DNAAF9: variants seen among roughly 807,000 people sequenced by gnomAD.
DNAAF9 encodes shulin.
In DNAAF9, 90 loss-of-function variants were observed where a neutral mutation model predicts 167.0. The ratio of observed to expected loss-of-function variants is 0.54; its 90% CI spans 0.45 to 0.64. The LOEUF is 0.64. DNAAF9 is among the 30% of genes least tolerant of loss of function. DNAAF9 has a pLI of 0.00. For missense variants in DNAAF9, 1,315 were observed against 1,442.2 expected (o/e 0.91, Z 1.43); for synonymous variants, 491 against 508.8 (o/e 0.96, Z 0.47).
In DNAAF9 at chr20:3,252,093, A is replaced by C; in HGVS notation, c.*479T>G. 6.4e-6 allele frequency: 1 copy of C among 156,794 alleles called. No individual in the cohort carries two copies. Among genetic ancestry groups the C allele is most frequent in the Non-Finnish European group, 1.4e-5 (1 of 71,110 alleles). The allele number at this position is 156,794 out of a possible 1,614,324, so 9.7% of individuals were successfully genotyped here. ...CCAGCTCCTTCAGGGAAACGGGCCT[A>C]GCAGGGGAGGCAGGCACTCCACTGG... On this transcript the variant is annotated 3_prime_UTR_variant, in exon 37 of 37. Transcript: ENST00000252032.
intron 6 of DNAAF9, among the ~76,000 whole-genome samples, chr20:3,360,661 T>C (rs1382889250): frequency 3.9e-5 from 6 of 152,178 alleles, no homozygotes; most frequent in Non-Finnish European, 8.8e-5. Flanking sequence ...GCTGAGGATC[T>C]TGAGAAGCAG....
At chr20:3,273,077 C>T (rs941541739) in intron 29 of DNAAF9, among the ~76,000 whole-genome samples, 36 of 152,174 alleles carry the variant, frequency 2.4e-4, no homozygotes, top group African/African-American at 2.9e-4. Context: ...GTGATCCACC[C>T]GCCTCGGCCT....
chr20:3,259,576 G>T, intron 32 of DNAAF9, 22 bp from the exon 33 acceptor site: 2 of 1,566,610 alleles, frequency 1.3e-6, no homozygotes, highest in Non-Finnish European at 8.8e-7. Flanking sequence ...AGAGGACAGC[G>T]CTGTCACCCA....
intron 25 of DNAAF9, among the ~76,000 whole-genome samples, chr20:3,293,072 C>T (rs538012135): frequency 6.8e-6 from 1 of 146,524 alleles, no homozygotes; most frequent in Non-Finnish European, 1.5e-5. Context: ...GGCGACAGAG[C>T]AAGACTCAAA....
chr20:3,330,526 C>T (rs2069806092), intron 12 of DNAAF9, 120 bp downstream of exon 12: 4 of 691,184 alleles, frequency 5.8e-6, no homozygotes, highest in Non-Finnish European at 7.7e-6. Flanking sequence ...ACAGTGTGCG[C>T]CACCACACCC....
chr20:3,344,245 TAA>T (rs1296965488), intron 8 of DNAAF9, among the ~76,000 whole-genome samples: 1 of 152,186 alleles, frequency 6.6e-6, no homozygotes, highest in Non-Finnish European at 1.5e-5. Context: ...ATCAATGAAA[TAA>T]GTCTCAGCTT....
intron 35 of DNAAF9, among the ~76,000 whole-genome samples, chr20:3,254,565 C>A (rs911743029): frequency 5.3e-5 from 8 of 152,210 alleles, no homozygotes; most frequent in African/African-American, 1.9e-4. Flanking sequence ...CAGGAGCACC[C>A]AGGTTGTCCG....
At chr20:3,339,521 C>T (rs2070036170) in intron 10 of DNAAF9, among the ~76,000 whole-genome samples, 1 of 152,134 alleles carries the variant, frequency 6.6e-6, no homozygotes, top group African/African-American at 2.4e-5. Flanking sequence ...TTTTCTTCCC[C>T]ATTTTTCTTC....
intron 1 of DNAAF9, chr20:3,384,182 TTTCATAG>T (rs2083701361): frequency 6.6e-6 from 1 of 152,146 alleles, no homozygotes; most frequent in Admixed American, 6.6e-5. Context: ...CCATGAAGAG[TTTCATAG>T]TCTTCCATGT....
intron 25 of DNAAF9, among the ~76,000 whole-genome samples, chr20:3,292,634 C>T (rs2122923299): frequency 6.6e-6 from 1 of 152,062 alleles, no homozygotes; most frequent in South Asian, 2.1e-4. Context: ...GGCTTGGTGG[C>T]ACATGCCTGT....
chr20:3,278,448 C>T (rs2068708575), intron 29 of DNAAF9, among the ~76,000 whole-genome samples: 1 of 152,154 alleles, frequency 6.6e-6, no homozygotes, highest in Admixed American at 6.5e-5. Context: ...AGGCCAGGCG[C>T]CGTGGCTCAT....
chr20:3,319,855 C>T (rs1412137367), intron 16 of DNAAF9, among the ~76,000 whole-genome samples: 1 of 152,134 alleles, frequency 6.6e-6, no homozygotes, highest in East Asian at 1.9e-4. Flanking sequence ...TCAGGTTTGA[C>T]AACTGGAAGG....
chr20:3,339,887 C>A (rs1356002403), intron 10 of DNAAF9, among the ~76,000 whole-genome samples: 1 of 152,134 alleles, frequency 6.6e-6, no homozygotes, highest in Non-Finnish European at 1.5e-5. Flanking sequence ...GAGACCCTGT[C>A]TCAAAAAATA....
Position 3,349,197 on chromosome 20 carries a change from A to C in DNAAF9, c.691-574T>G, listed in dbSNP as rs919628696. On this transcript the variant is annotated intron_variant, in intron 7 of 36. Coordinates refer to ENST00000252032, the MANE Select transcript of DNAAF9 (RefSeq NM_001009984.3). ...TGATGAGACCTCGTCTCTACCAAAA[A>C]AAAAAACAAAAAAAAAAAAAACACC... Among the ~76,000 whole-genome samples the C allele has an allele frequency of 1.6e-4, 22 of 140,286 alleles. 1 individual carries two copies. Among genetic ancestry groups the C allele is most frequent in the South Asian group, 2.4e-4 (1 of 4,154 alleles). The allele number at this position is 140,286 out of a possible 152,430, so 92.0% of individuals were successfully genotyped here.
At chr20:3,354,069 C>G (rs1462248741) in intron 7 of DNAAF9, among the ~76,000 whole-genome samples, 1 of 152,182 alleles carries the variant, frequency 6.6e-6, no homozygotes, top group Non-Finnish European at 1.5e-5. Flanking sequence ...TTAAATCTTT[C>G]TGACATCTTT....
intron 30 of DNAAF9, among the ~76,000 whole-genome samples, 192 bp from the exon 31 acceptor site, chr20:3,264,716 T>A (rs1202842802): frequency 6.6e-6 from 1 of 152,170 alleles, no homozygotes; most frequent in Non-Finnish European, 1.5e-5. Context: ...ACTACAGGCA[T>A]GTGCCATCAT....
chr20:3,332,887 C>T (rs368556495), intron 10 of DNAAF9, among the ~76,000 whole-genome samples: 4 of 114,332 alleles, frequency 3.5e-5, no homozygotes, highest in Admixed American at 8.6e-5. Context: ...TGCGTGTGTG[C>T]GTGTGTGCGT....
At chr20:3,298,510 G>C (rs1424367111) in intron 21 of DNAAF9, among the ~76,000 whole-genome samples, 1 of 152,090 alleles carries the variant, frequency 6.6e-6, no homozygotes, top group African/African-American at 2.4e-5. Context: ...TGTAGAGACA[G>C]GGGCTCTCTC....
intron 29 of DNAAF9, among the ~76,000 whole-genome samples, chr20:3,270,894 C>A (rs921941155): frequency 1.3e-5 from 2 of 151,564 alleles, no homozygotes; most frequent in Non-Finnish European, 2.9e-5. Context: ...CTTACTGCAA[C>A]CTCAGCCTCC....
Sources: allele counts gnomAD v4.1 joint callset (sites outside exome capture counted in the v4.1 genomes callset), GRCh38; gene constraint gnomAD v4.1.1; transcripts MANE v1.5; gene names NCBI Gene and HGNC (gene_info 2026-07-23, HGNC 2026-07-21).